Variants in SGCD observed in about 807,000 individuals in gnomAD.
SGCD encodes sarcoglycan delta.
A neutral mutation model predicts 36.6 loss-of-function variants in SGCD; 18 were observed. That is an observed-to-expected ratio of 0.49 (90% CI 0.34 to 0.73). The LOEUF (loss-of-function observed/expected upper bound fraction) is 0.73. SGCD is among the 30% of genes least tolerant of loss of function. The pLI is 0.01. For synonymous variants in SGCD, 133 were observed against 130.6 expected (o/e 1.02, Z -0.12); for missense variants, 387 against 346.7 (o/e 1.12, Z -0.92).
intron 3 of SGCD, among the ~76,000 whole-genome samples, chr5:156,198,866 A>G (rs1405942282): frequency 1.3e-5 from 2 of 151,828 alleles, no homozygotes; most frequent in Non-Finnish European, 2.9e-5. Context: ...TATTATTATT[A>G]TTATTTGATT....
intron 2 of SGCD, among the ~76,000 whole-genome samples, chr5:156,343,646 T>C (rs1003169375): frequency 3.9e-5 from 6 of 152,224 alleles, no homozygotes; most frequent in African/African-American, 7.2e-5. Flanking sequence ...AGCAGGGACT[T>C]GGAAAACCTT....
intron 1 of SGCD, among the ~76,000 whole-genome samples, chr5:155,976,728 C>T (rs867438878): frequency 6.6e-6 from 1 of 152,084 alleles, no homozygotes; most frequent in Non-Finnish European, 1.5e-5. Context: ...TCACAAGGAC[C>T]AAGTGAAAGG....
intron 7 of SGCD, among the ~76,000 whole-genome samples, chr5:156,747,600 G>A (rs968057255): frequency 1.3e-5 from 2 of 152,160 alleles, no homozygotes; most frequent in Admixed American, 6.5e-5. Context: ...CCACAGGGCA[G>A]CTATCAACAT....
chr5:156,334,203 G>A lies in SGCD; in HGVS notation c.3+4624G>A, dbSNP rs73815028. On this transcript the variant is annotated intron_variant, in intron 2 of 8. Coordinates refer to ENST00000337851, the MANE Select transcript of SGCD (RefSeq NM_000337.6). ...CTATTGTCATTATCTGGTTCTGGTG[G>A]GAATCATCCATGGGGTTTTAGAAAG... Among the ~76,000 whole-genome samples, 593 of 152,106 alleles carry A rather than the reference G, an allele frequency of 3.9e-3. 4 individuals are homozygous for A. Among genetic ancestry groups the A allele is most frequent in the African/African-American group, 0.013 (558 of 41,482 alleles).
At chr5:155,828,631 C>T in the SGCD span, among the ~76,000 whole-genome samples, 11 of 152,174 alleles carry the variant, frequency 7.2e-5, no homozygotes, top group African/African-American at 1.9e-4. Flanking sequence ...CTCTCTTTTT[C>T]AGAAAATTAT....
intron 5 of SGCD, 23 bp from the exon 6 acceptor site, chr5:156,594,909 C>CT: frequency 2.0e-6 from 3 of 1,517,978 alleles, no homozygotes; most frequent in Non-Finnish European, 2.7e-6. Flanking sequence ...CTCTCTATCT[C>CT]TCTATCTCTC....
At chr5:156,185,324 C>T (rs924658542) in intron 3 of SGCD, among the ~76,000 whole-genome samples, 1 of 151,240 alleles carries the variant, frequency 6.6e-6, no homozygotes, top group African/African-American at 2.4e-5. Context: ...ACACCATTCT[C>T]CTGTCTCAGC....
intron 3 of SGCD, among the ~76,000 whole-genome samples, chr5:156,304,895 G>A (rs1767162271): frequency 6.6e-6 from 1 of 152,174 alleles, no homozygotes; most frequent in Non-Finnish European, 1.5e-5. Flanking sequence ...GTTGCATTTT[G>A]CCCCTGCCCT....
chr5:156,435,045 A>G (rs1753186731), intron 3 of SGCD, among the ~76,000 whole-genome samples: 1 of 152,216 alleles, frequency 6.6e-6, no homozygotes, highest in Non-Finnish European at 1.5e-5. Context: ...AGGAAAGATC[A>G]TCTGCAGAGC....
chr5:156,554,354 CAAA>C (rs58256540), intron 4 of SGCD, among the ~76,000 whole-genome samples: 8 of 88,882 alleles, frequency 9.0e-5, no homozygotes, highest in Non-Finnish European at 7.3e-5. Context: ...GAGTCTGTCT[CAAA>C]AAAAAAAAAA....
At chr5:156,670,921 G>A (rs567505571) in intron 7 of SGCD, among the ~76,000 whole-genome samples, 1 of 151,988 alleles carries the variant, frequency 6.6e-6, no homozygotes, top group Admixed American at 6.6e-5. Flanking sequence ...GCCATTGGTC[G>A]AGTCATCTCC....
At chr5:156,144,204 C>A (rs372611341) in intron 3 of SGCD, among the ~76,000 whole-genome samples, 1 of 151,914 alleles carries the variant, frequency 6.6e-6, no homozygotes, top group South Asian at 2.1e-4. Flanking sequence ...ACATACGTGT[C>A]CATGTGTCTT....
chr5:155,770,589 T>C, the SGCD span, among the ~76,000 whole-genome samples: 2 of 152,188 alleles, frequency 1.3e-5, no homozygotes, highest in Non-Finnish European at 2.9e-5. Context: ...GATTTTATTC[T>C]GAGGGCAGTG....
intron 3 of SGCD, among the ~76,000 whole-genome samples, chr5:156,486,851 T>C (rs1373087696): frequency 6.6e-6 from 1 of 152,046 alleles, no homozygotes; most frequent in Admixed American, 6.5e-5. Flanking sequence ...TGGGAACTGG[T>C]CCACTCAGCC....
At chr5:156,566,693 A>T (rs775682811) in intron 4 of SGCD, among the ~76,000 whole-genome samples, 1 of 152,226 alleles carries the variant, frequency 6.6e-6, no homozygotes, top group Non-Finnish European at 1.5e-5. Context: ...ATGACTTTCC[A>T]TGAATACATG....
intron 4 of SGCD, among the ~76,000 whole-genome samples, chr5:156,587,758 C>T (rs759819208): frequency 1.5e-4 from 23 of 152,034 alleles, no homozygotes; most frequent in Non-Finnish European, 3.1e-4. Context: ...GTGTTCATTC[C>T]TTCAGGAATT....
Position 156,423,273 on chromosome 5 carries a change from CATT to C in SGCD, c.192+78599_192+78601del, listed in dbSNP as rs1484051849. ...AATATTATATTTTATTATAATATAA[CATT>C]ATATTATATTTTATTATAATATAAT... On this transcript the variant is annotated intron_variant, in intron 3 of 8. Coordinates refer to ENST00000337851, the MANE Select transcript of SGCD (RefSeq NM_000337.6). 1.5e-3 allele frequency among the ~76,000 whole-genome samples: 11 copies of C among 7,456 alleles called. No individual in the cohort carries two copies. The East Asian group carries it at 0.016, about 11-fold the overall frequency. The allele number at this position is 7,456 out of a possible 152,430, so 4.9% of individuals were successfully genotyped here. A position where few individuals can be genotyped will look rare whatever the true frequency, so the allele number is the denominator to read the frequency against.
chr5:156,134,006 T>A (rs959605623), intron 3 of SGCD, among the ~76,000 whole-genome samples: 3 of 151,512 alleles, frequency 2.0e-5, no homozygotes, highest in African/African-American at 7.3e-5. Flanking sequence ...CCATTTTAAC[T>A]TTTTTCTGCA....
At chr5:156,146,719 A>G (rs2127613127) in intron 3 of SGCD, among the ~76,000 whole-genome samples, 1 of 152,338 alleles carries the variant, frequency 6.6e-6, no homozygotes, top group South Asian at 2.1e-4. Flanking sequence ...TGAGAGTAAT[A>G]TAAGACTAAA....
Sources: gnomAD v4.1 joint callset for allele counts (sites outside exome capture counted in the v4.1 genomes callset) on GRCh38, gnomAD v4.1.1 for gene constraint, MANE v1.5 for transcripts, NCBI Gene and HGNC (gene_info 2026-07-23, HGNC 2026-07-21) for gene names.